Variants in PTGIS observed in about 807,000 individuals in gnomAD.
PTGIS encodes the protein prostaglandin I2 synthase.
In PTGIS, 45 loss-of-function variants were observed where a neutral mutation model predicts 50.3. That is an observed-to-expected ratio of 0.90 (90% CI 0.70 to 1.15). PTGIS has a LOEUF of 1.15. Among genes scored for constraint, PTGIS ranks in the 50% most tolerant of loss-of-function variants. PTGIS has a pLI of 0.00. For missense variants in PTGIS, 668 were observed against 661.3 expected (o/e 1.01, Z -0.11); for synonymous variants, 260 against 267.7 (o/e 0.97, Z 0.28).
chr20:49,553,672 C>G (rs1982562478), intron 1 of PTGIS, among the ~76,000 whole-genome samples: 1 of 151,628 alleles, frequency 6.6e-6, no homozygotes, highest in Non-Finnish European at 1.5e-5. Flanking sequence ...ATAGTTTTGT[C>G]TAATTCAAAG....
At position 49,564,941 on chromosome 20, in the gene PTGIS, C is replaced by T. The variant is rs185760064; in HGVS notation, c.74+3102G>A. The stretch of plus-strand genomic sequence containing the variant: ...AACTGGATCACCATTCAGACGGCAT[C>T]AGGGTCACCCACTTGTTTCACTTGT... On this transcript the variant is annotated intron_variant, in intron 1 of 9. Transcript: ENST00000244043. 4.6e-5 allele frequency among the ~76,000 whole-genome samples: 7 copies of T among 150,794 alleles called. No individual in the cohort carries two copies. The East Asian group carries it at 1.4e-3, about 29-fold the overall frequency.
At position 49,514,389 on chromosome 20, in the gene PTGIS, TATTC is replaced by T; in HGVS notation, c.858_861del (p.Asn287TrpfsTer48). 6.2e-7 allele frequency: 1 copy of T among 1,613,680 alleles called. No homozygotes were observed. Among genetic ancestry groups the T allele is most frequent in the South Asian group, 1.1e-5 (1 of 91,076 alleles). On this transcript the variant is annotated frameshift_variant and splice_region_variant, in exon 7 of 10. Transcript: ENST00000244043. LOFTEE classifies it high-confidence loss of function. ...AGGAGCCAGAAGGCAGCGGGACCCATATTCCCCTGCAAGGAGAAGGGCCCCTGTT... is the reference window on the plus strand; with the variant it reads ...AGGAGCCAGAAGGCAGCGGGACCCATCCCTGCAAGGAGAAGGGCCCCTGTT...
At chr20:49,544,207 A>AC in intron 4 of PTGIS, 98 bp downstream of exon 4, 1 of 1,517,730 alleles carries the variant, frequency 6.6e-7, no homozygotes, top group South Asian at 1.2e-5. Flanking sequence ...TGCTTCCCCC[A>AC]CCCACAGAGT....
chr20:49,512,213 G>C (rs1271876088), intron 8 of PTGIS, among the ~76,000 whole-genome samples: 2 of 150,940 alleles, frequency 1.3e-5, no homozygotes, highest in African/African-American at 4.9e-5. Flanking sequence ...AGATGGGTGA[G>C]TATGTGGATG....
chr20:49,523,908 C>T lies in PTGIS; in HGVS notation c.855+150G>A, dbSNP rs886929715. ...ACACACCCACACTCACATCAGCACA[C>T]ACTCACAAATGCACACCTACATACA... is the stretch of plus-strand genomic sequence containing the variant. On this transcript the variant is annotated intron_variant, in intron 6 of 9. Transcript: ENST00000244043. The T allele has an allele frequency of 1.2e-4, 126 of 1,009,314 alleles. 1 individual carries two copies. Among genetic ancestry groups the T allele is most frequent in the Middle Eastern group, 6.0e-4 (2 of 3,322 alleles). The allele number at this position is 1,009,314 out of a possible 1,614,324, so 62.5% of individuals were successfully genotyped here.
At chr20:49,537,039 GC>G (rs1159751335) in intron 5 of PTGIS, among the ~76,000 whole-genome samples, 1 of 152,216 alleles carries the variant, frequency 6.6e-6, no homozygotes, top group African/African-American at 2.4e-5. Context: ...GGAAGCAGCA[GC>G]GCAGGAATTC....
chr20:49,529,892 C>A (rs546518437), intron 5 of PTGIS, among the ~76,000 whole-genome samples: 1 of 152,124 alleles, frequency 6.6e-6, no homozygotes. Context: ...TGGTGGCTCA[C>A]GCCTGTAATC....
intron 1 of PTGIS, 116 bp downstream of exon 1, chr20:49,567,927 G>T: frequency 9.9e-7 from 1 of 1,010,910 alleles, no homozygotes. Context: ...GCCTTGCCCG[G>T]GATACTGGAG....
intron 6 of PTGIS, among the ~76,000 whole-genome samples, chr20:49,515,565 T>C (rs888530290): frequency 4.6e-5 from 7 of 152,226 alleles, no homozygotes; most frequent in South Asian, 4.1e-4. Flanking sequence ...GTTTACCCAC[T>C]AATTTCATTA....
chr20:49,508,329 G>A (rs1297052941), intron 9 of PTGIS, among the ~76,000 whole-genome samples: 1 of 152,316 alleles, frequency 6.6e-6, no homozygotes, highest in East Asian at 1.9e-4. Flanking sequence ...AAGCATTCGC[G>A]AGCCAGTGTG....
chr20:49,536,852 C>T (rs1185839865), intron 5 of PTGIS, among the ~76,000 whole-genome samples: 1 of 152,138 alleles, frequency 6.6e-6, no homozygotes. Context: ...CTGTTCCCCC[C>T]ATTTTGCAGA....
At chr20:49,528,867 A>G (rs1225155604) in intron 5 of PTGIS, among the ~76,000 whole-genome samples, 1 of 152,242 alleles carries the variant, frequency 6.6e-6, no homozygotes, top group Non-Finnish European at 1.5e-5. Flanking sequence ...GAACTCTAGA[A>G]GGATCCATTT....
At chr20:49,555,270 CG>C (rs1389099388) in intron 1 of PTGIS, among the ~76,000 whole-genome samples, 3 of 9,830 alleles carry the variant, frequency 3.1e-4, no homozygotes, top group Non-Finnish European at 9.5e-4. Flanking sequence ...GAGAGTGTCT[CG>C]AAAAAAAAAA....
At chr20:49,535,016 A>G (rs1982034629) in intron 5 of PTGIS, among the ~76,000 whole-genome samples, 1 of 152,078 alleles carries the variant, frequency 6.6e-6, no homozygotes, top group African/African-American at 2.4e-5. Flanking sequence ...AAAACAACAA[A>G]AAAACCACAC....
chr20:49,516,575 A>G (rs546867606), intron 6 of PTGIS, among the ~76,000 whole-genome samples: 49 of 152,330 alleles, frequency 3.2e-4, no homozygotes, highest in Non-Finnish European at 6.5e-4. Flanking sequence ...TTAGATTAAA[A>G]CAGCTGCATG....
rs911460406 is a variant in PTGIS at position 49,550,148 on chromosome 20, C to T, written c.116G>A (p.Trp39Ter). ...EPPLDLGSIP[W>*]LGYALDFGKD... ...TCCAAAGTCCAAGGCATACCCCAACCAGGGGATGCTGCCCAGGTCCAGGGG... is the reference window on the plus strand; with the variant it reads ...TCCAAAGTCCAAGGCATACCCCAACTAGGGGATGCTGCCCAGGTCCAGGGG... Residue 39 changes from tryptophan (W) to a stop codon, truncating the protein, a stop_gained, in exon 2 of 10, where the codon TGG becomes TAG. Coordinates refer to ENST00000244043, the MANE Select transcript of PTGIS (RefSeq NM_000961.4). LOFTEE classifies it high-confidence loss of function. The T allele has an allele frequency of 6.2e-7, 1 of 1,613,894 alleles. No homozygotes were observed. Among genetic ancestry groups the T allele is most frequent in the Admixed American group, 1.7e-5 (1 of 60,012 alleles).
rs368280524 is a variant in PTGIS, at chr20:49,548,003, C to T, written c.215G>A (p.Arg72Lys). ...GDIFTILVGGRYVTVLLDPHS... is the reference protein window; with the variant it reads ...GDIFTILVGGKYVTVLLDPHS... ...TGGGTCCAGGAGAACGGTGACATAC[C>T]TGCCCCCAACCAGTATCTGTGGGAA... Residue 72 changes from arginine to lysine, a missense_variant, in exon 3 of 10, where the codon AGG becomes AAG. Transcript: ENST00000244043. 20 of 1,613,902 alleles carry T rather than the reference C, an allele frequency of 1.2e-5. No homozygotes were observed. The highest frequency in any genetic ancestry group is 1.6e-4 in the Middle Eastern group (1 of 6,070).
chr20:49,535,894 AT>A, intron 5 of PTGIS, among the ~76,000 whole-genome samples: 1 of 152,270 alleles, frequency 6.6e-6, no homozygotes, highest in South Asian at 2.1e-4. Flanking sequence ...TTGTTTTATT[AT>A]TGATTTTCTG....
At position 49,511,164 on chromosome 20, in the gene PTGIS, G is replaced by T. The variant is rs774604774; in HGVS notation, c.1222C>A (p.Arg408=). The T allele has an allele frequency of 5.6e-6, 9 of 1,614,164 alleles. No individual in the cohort carries two copies. Among genetic ancestry groups the T allele is most frequent in the Non-Finnish European group, 7.6e-6 (9 of 1,180,040 alleles). The change falls in exon 9 of 10, where the codon CGA becomes AGA. Residue 408 remains arginine, a synonymous_variant. Transcript: ENST00000244043. ...TCTGATCCGTCAGGGTTCAGGAATC[G>T]GTTGTATTTAAATACCTGAAATAGG... The part of the protein sequence containing the change: ...YTDPEVFKYN[R]FLNPDGSEKK...
Sources: allele counts gnomAD v4.1 joint callset (sites outside exome capture counted in the v4.1 genomes callset), GRCh38; gene constraint gnomAD v4.1.1; transcripts MANE v1.5; gene names NCBI Gene and HGNC (gene_info 2026-07-23, HGNC 2026-07-21).